ANGPTL2: variants seen among roughly 807,000 people sequenced by gnomAD.
ANGPTL2 encodes angiopoietin-related protein 2.
Under a neutral mutation model 52.8 loss-of-function variants are expected in ANGPTL2, and 25 were observed. That is an observed-to-expected ratio of 0.47 (90% CI 0.35 to 0.66). ANGPTL2 has a LOEUF of 0.66. Among genes scored for constraint, ANGPTL2 ranks in the 30% least tolerant of loss-of-function variants. The pLI is 0.01. For synonymous variants in ANGPTL2, 276 were observed against 277.4 expected, an observed-to-expected ratio of 1.00 and a Z score of 0.05; for missense variants, 546 against 656.9, an observed-to-expected ratio of 0.83 and a Z score of 1.84.
Position 127,108,378 on chromosome 9 carries a change from G to A in ANGPTL2, c.354C>T (p.Ser118=), listed in dbSNP as rs774915769. Residue 118 remains serine (S), a synonymous_variant, in exon 2 of 5, where the codon AGC becomes AGT. Coordinates refer to ENST00000373425, the MANE Select transcript of ANGPTL2 (RefSeq NM_012098.3). ...QLVEVDGGIV[S]EVKLLRKESR... ...TCTCCTTGCGCAGCAGCTTCACCTC[G>A]CTCACAATGCCGCCGTCCACCTCCA... is the stretch of plus-strand genomic sequence containing the variant. 20 of 1,609,664 alleles carry A rather than the reference G, an allele frequency of 1.2e-5. 1 individual carries two copies. The highest frequency in any genetic ancestry group is 1.7e-4 in the Middle Eastern group (1 of 6,054).
intron 1 of ANGPTL2, among the ~76,000 whole-genome samples, chr9:127,112,781 G>A (rs1277689869): frequency 6.6e-6 from 1 of 152,260 alleles, no homozygotes; most frequent in Non-Finnish European, 1.5e-5. Context: ...ACCAACAACA[G>A]TGAGGATGCT....
At chr9:127,101,369 A>T (rs1456990070) in intron 2 of ANGPTL2, among the ~76,000 whole-genome samples, 1 of 152,168 alleles carries the variant, frequency 6.6e-6, no homozygotes, top group East Asian at 1.9e-4. Flanking sequence ...CCACATTAGG[A>T]TTGTTGGGGA....
chr9:127,118,049 A>G (rs1188122993), intron 1 of ANGPTL2, among the ~76,000 whole-genome samples: 1 of 152,076 alleles, frequency 6.6e-6, no homozygotes, highest in Non-Finnish European at 1.5e-5. Flanking sequence ...GGCTCCCCAC[A>G]CCCAACATTT....
chr9:127,102,330 T>A (rs1308506991), intron 2 of ANGPTL2, among the ~76,000 whole-genome samples: 1 of 151,574 alleles, frequency 6.6e-6, no homozygotes, highest in Admixed American at 6.6e-5. Flanking sequence ...AATACTACTT[T>A]ATTTATTTTT....
chr9:127,101,284 A>G (rs2053698974), intron 2 of ANGPTL2, among the ~76,000 whole-genome samples: 1 of 152,228 alleles, frequency 6.6e-6, no homozygotes, highest in Non-Finnish European at 1.5e-5. Context: ...CCAGGGCTCA[A>G]GAGGATCACA....
rs775286661 is a variant in ANGPTL2, at chr9:127,107,917, G to A, written c.815C>T (p.Ser272Leu). Reference protein sequence around the residue: ...TSLPSSTDKPSGPWRDCLQAL... With the variant: ...TSLPSSTDKPLGPWRDCLQAL... ...AACACGATCCCAGAAGCACTTACCCGACGGCTTGTCGGTGGAAGATGGGAG... is the reference window on the plus strand; with the variant it reads ...AACACGATCCCAGAAGCACTTACCCAACGGCTTGTCGGTGGAAGATGGGAG... Residue 272 changes from serine to leucine, a missense_variant and splice_region_variant, in exon 2 of 5, where the codon TCG (serine) becomes TTG (leucine). Physicochemically the swap from Ser to Leu is moderately radical, Grantham distance 145. Around this residue, in one of 2 missense-constraint regions of ANGPTL2, gnomAD observed 261 missense variants for 361.0 expected, o/e 0.72. Coordinates refer to ENST00000373425, the MANE Select transcript of ANGPTL2 (RefSeq NM_012098.3). 2.0e-6 allele frequency: 3 copies of A among 1,529,590 alleles called. No homozygotes were observed. The highest frequency in any genetic ancestry group is 2.0e-5 in the Admixed American group (1 of 50,172). 94.8% of individuals were successfully genotyped at this position (1,529,590 alleles called of 1,614,324 possible).
intron 2 of ANGPTL2, among the ~76,000 whole-genome samples, chr9:127,096,374 C>T (rs954045791): frequency 1.3e-5 from 2 of 152,252 alleles, no homozygotes; most frequent in Non-Finnish European, 2.9e-5. Context: ...GATGTGAATG[C>T]TGGTGACGGA....
intron 4 of ANGPTL2, among the ~76,000 whole-genome samples, chr9:127,090,087 T>C (rs1055698217): frequency 6.6e-6 from 1 of 151,570 alleles, no homozygotes; most frequent in African/African-American, 2.4e-5. Flanking sequence ...TTTCTGGGGG[T>C]CCCTCTGGGC....
At chr9:127,120,602 T>A (rs1357643863) in intron 1 of ANGPTL2, among the ~76,000 whole-genome samples, 1 of 152,170 alleles carries the variant, frequency 6.6e-6, no homozygotes, top group African/African-American at 2.4e-5. Flanking sequence ...GGTGGGCGGA[T>A]CACGAGGTCA....
Position 127,108,351 on chromosome 9 carries a change from G to A in ANGPTL2, c.381C>T (p.Ser127=). ...GCGTGACCCGCGAGTTCATGTTGCG[G>A]CTCTCCTTGCGCAGCAGCTTCACCT... The part of the protein sequence containing the change: ...VSEVKLLRKE[S]RNMNSRVTQL... The change falls in exon 2 of 5, where the codon AGC becomes AGT. Residue 127 remains serine, a synonymous_variant. Transcript: ENST00000373425. 1.2e-6 allele frequency: 2 copies of A among 1,612,158 alleles called. No homozygotes were observed. The highest frequency in any genetic ancestry group is 2.2e-5 in the South Asian group (2 of 90,998).
intron 3 of ANGPTL2, among the ~76,000 whole-genome samples, chr9:127,093,431 C>T (rs570970672): frequency 2.6e-5 from 4 of 152,276 alleles, no homozygotes; most frequent in Admixed American, 2.0e-4. Flanking sequence ...GCCCCCATAC[C>T]AGCGTTTCTA....
rs2054383127 is a variant in ANGPTL2, at chr9:127,107,951, GAGTGGGCAT to G, written c.772_780del (p.Met258_Thr260del). On this transcript the variant is annotated inframe_deletion, in exon 2 of 5. Transcript: ENST00000373425. Reference sequence around the variant, plus strand: ...TCGGTGGAAGATGGGAGGCTGGTGAGAGTGGGCATAGTGGGCAGAGGGGGTGGCAGCACC... The same window carrying G: ...TCGGTGGAAGATGGGAGGCTGGTGAGAGTGGGCAGAGGGGGTGGCAGCACC... The G allele has an allele frequency of 1.3e-6, 2 of 1,550,956 alleles. No homozygotes were observed. Among genetic ancestry groups the G allele is most frequent in the Non-Finnish European group, 1.7e-6 (2 of 1,143,084 alleles).
rs773708357 is a variant in ANGPTL2, at chr9:127,108,540, C to T, written c.192G>A (p.Arg64=). Residue 64 remains arginine, a synonymous_variant, in exon 2 of 5, where the codon CGG becomes CGA. Transcript: ENST00000373425. ...AGTTGACGCAGATGGCACCCGTGACCCGCTGCTGGGGCACAATGAAGGTGT... is the reference window on the plus strand; with the variant it reads ...AGTTGACGCAGATGGCACCCGTGACTCGCTGCTGGGGCACAATGAAGGTGT... ...CTYTFIVPQQ[R]VTGAICVNSK... The T allele has an allele frequency of 1.2e-6, 2 of 1,613,360 alleles. No individual in the cohort carries two copies. The highest frequency in any genetic ancestry group is 2.2e-5 in the East Asian group (1 of 44,820).
Position 127,088,299 on chromosome 9 carries a change from G to A in ANGPTL2, c.*640C>T, listed in dbSNP as rs1381738290. ...ATTAGGTGCCAAAAGGGGTTCTTAAGAAGCTGGGAACCTCTATGTGAGAGA... is the reference window on the plus strand; with the variant it reads ...ATTAGGTGCCAAAAGGGGTTCTTAAAAAGCTGGGAACCTCTATGTGAGAGA... On this transcript the variant is annotated 3_prime_UTR_variant, in exon 5 of 5. Transcript: ENST00000373425. 2 of 152,226 alleles carry A rather than the reference G, an allele frequency of 1.3e-5. No individual in the cohort carries two copies. Among genetic ancestry groups the A allele is most frequent in the East Asian group, 3.8e-4 (2 of 5,204 alleles). 9.4% of individuals were successfully genotyped at this position (152,226 alleles called of 1,614,324 possible). A position where few individuals can be genotyped will look rare whatever the true frequency, so the allele number is the denominator to read the frequency against.
rs746852638 is a variant in ANGPTL2, at chr9:127,091,689, T to C, written c.1263A>G (p.Arg421=). 5.0e-6 allele frequency: 8 copies of C among 1,613,776 alleles called. No individual in the cohort carries two copies. The Admixed American group carries it at 1.3e-4, about 27-fold the overall frequency. The part of the protein sequence containing the change: ...HNGKQFTTLD[R]DHDVYTGNCA... ...TCCTACCTGTGTAGACATCATGATC[T>C]CTGTCCAGGGTGGTGAACTGCTTGC... The change falls in exon 4 of 5, where the codon AGA becomes AGG. Residue 421 remains arginine (R), a synonymous_variant. Coordinates refer to ENST00000373425, the MANE Select transcript of ANGPTL2 (RefSeq NM_012098.3). The surrounding 1 kb of genome is among the most constrained non-coding windows in gnomAD (Gnocchi z 4.3).
intron 2 of ANGPTL2, among the ~76,000 whole-genome samples, chr9:127,101,189 A>T (rs1421543690): frequency 1.3e-5 from 2 of 152,220 alleles, no homozygotes; most frequent in Non-Finnish European, 2.9e-5. Flanking sequence ...AATGGTGATG[A>T]TCATGTATCT....
At chr9:127,115,582 A>G (rs1254706283) in intron 1 of ANGPTL2, among the ~76,000 whole-genome samples, 15 of 152,208 alleles carry the variant, frequency 9.9e-5, no homozygotes, top group Admixed American at 9.2e-4. Context: ...AAATATCACA[A>G]CTGGGATTTA....
chr9:127,104,764 A>G (rs556455476), intron 2 of ANGPTL2, among the ~76,000 whole-genome samples: 39 of 152,354 alleles, frequency 2.6e-4, no homozygotes, highest in African/African-American at 9.1e-4. Context: ...AAAAGAGCAC[A>G]TGGCTCTGAG....
chr9:127,120,188 C>T (rs1047662761), intron 1 of ANGPTL2, among the ~76,000 whole-genome samples: 1 of 152,212 alleles, frequency 6.6e-6, no homozygotes, highest in African/African-American at 2.4e-5. Flanking sequence ...TTGTGAGCTT[C>T]CCACAGCACT....
Sources: gnomAD v4.1 joint callset for allele counts (sites outside exome capture counted in the v4.1 genomes callset) on GRCh38, gnomAD v4.1.1 for gene constraint, gnomAD v4.1.1 regional missense constraint, Gnocchi (gnomAD v3.1) non-coding constraint, MANE v1.5 for transcripts, NCBI Gene and HGNC (gene_info 2026-07-23, HGNC 2026-07-21) for gene names.